Variants in GAREM1 observed in about 807,000 individuals in gnomAD.
GAREM1 encodes GRB2 associated regulator of MAPK1 subtype 1, also known as GRB2-associated and regulator of MAPK protein 1.
A neutral mutation model predicts 71.3 loss-of-function variants in GAREM1; 26 were observed. That is an observed-to-expected ratio of 0.36 (90% confidence interval 0.27 to 0.51). The LOEUF (loss-of-function observed/expected upper bound fraction) is 0.51. Among genes scored for constraint, GAREM1 ranks in the 20% least tolerant of loss-of-function variants. The pLI, the probability that GAREM1 is intolerant of heterozygous loss-of-function variation, is 0.95. For missense variants in GAREM1, 1,026 were observed against 1,103.1 expected, an observed-to-expected ratio of 0.93 and a Z score of 0.99; for synonymous variants, 440 against 433.2, an observed-to-expected ratio of 1.02 and a Z score of -0.20.
intron 1 of GAREM1, among the ~76,000 whole-genome samples, chr18:32,464,506 G>C (rs1249832158): frequency 6.6e-6 from 1 of 152,138 alleles, no homozygotes; most frequent in Non-Finnish European, 1.5e-5. Context: ...AAAAAGTAAA[G>C]TTCCTTTCCA....
At chr18:32,384,280 C>T (rs1345221754) in intron 2 of GAREM1, among the ~76,000 whole-genome samples, 1 of 152,078 alleles carries the variant, frequency 6.6e-6, no homozygotes, top group East Asian at 1.9e-4. Context: ...TGTGTTGTTG[C>T]CACAAACATT....
chr18:32,362,472 T>C (rs1173040955), intron 2 of GAREM1, among the ~76,000 whole-genome samples: 2 of 152,210 alleles, frequency 1.3e-5, no homozygotes, highest in African/African-American at 2.4e-5. Context: ...CGGTCAATAA[T>C]AAACAACTGC....
chr18:32,401,827 G>C (rs1193924234), intron 1 of GAREM1, among the ~76,000 whole-genome samples: 1 of 152,180 alleles, frequency 6.6e-6, no homozygotes, highest in Admixed American at 6.5e-5. Flanking sequence ...TAAAGAGGCA[G>C]CCAAGAAACA....
chr18:32,371,248 G>T (rs962736089), intron 2 of GAREM1, among the ~76,000 whole-genome samples: 6 of 152,276 alleles, frequency 3.9e-5, no homozygotes, highest in African/African-American at 1.2e-4. Flanking sequence ...TCATACTGGG[G>T]AGCTTGGCCT....
chr18:32,325,257 G>A (rs111328688), intron 2 of GAREM1, among the ~76,000 whole-genome samples: 2,238 of 152,172 alleles, frequency 0.015, 65 homozygotes, highest in African/African-American at 0.051. Flanking sequence ...GGTTTTTTAG[G>A]GCAGTGAAAA....
chr18:32,347,995 C>G (rs1386889483), intron 2 of GAREM1, among the ~76,000 whole-genome samples: 1 of 152,160 alleles, frequency 6.6e-6, no homozygotes, highest in Non-Finnish European at 1.5e-5. Flanking sequence ...CTTTTGGAAT[C>G]TGCAATTATT....
chr18:32,317,951 CAG>C (rs1407397641), intron 2 of GAREM1, among the ~76,000 whole-genome samples: 5 of 152,146 alleles, frequency 3.3e-5, no homozygotes, highest in South Asian at 4.1e-4. Context: ...TCACGAATAA[CAG>C]AGTCTTTGTG....
At chr18:32,445,640 A>C (rs2048779491) in intron 1 of GAREM1, among the ~76,000 whole-genome samples, 1 of 152,196 alleles carries the variant, frequency 6.6e-6, no homozygotes, top group East Asian at 1.9e-4. Context: ...GACTGGTTGA[A>C]GCTAAAGACT....
At chr18:32,364,026 A>ATATTTTTTTTT (rs1336753011) in intron 2 of GAREM1, among the ~76,000 whole-genome samples, 1 of 46,418 alleles carries the variant, frequency 2.2e-5, no homozygotes, top group African/African-American at 1.6e-4. Context: ...ATATATATAT[A>ATATTTTTTTTT]TGTTTTTTTT....
chr18:32,301,767 T>C (rs1272674232), intron 3 of GAREM1, among the ~76,000 whole-genome samples: 3 of 152,246 alleles, frequency 2.0e-5, no homozygotes, highest in African/African-American at 4.8e-5. Flanking sequence ...AGGCTATCTC[T>C]CCACAGTCTG....
intron 1 of GAREM1, among the ~76,000 whole-genome samples, chr18:32,415,503 T>C (rs1416249102): frequency 2.0e-5 from 3 of 152,000 alleles, no homozygotes; most frequent in South Asian, 4.1e-4. Context: ...AATTCAACAA[T>C]ATACTGAGAA....
At chr18:32,305,813 C>A (rs1366129398) in intron 3 of GAREM1, among the ~76,000 whole-genome samples, 1 of 152,172 alleles carries the variant, frequency 6.6e-6, no homozygotes, top group Non-Finnish European at 1.5e-5. Flanking sequence ...AGCCACTGCA[C>A]CCAGCCCCCA....
chr18:32,361,523 G>A (rs1359691872), intron 2 of GAREM1, among the ~76,000 whole-genome samples: 1 of 152,122 alleles, frequency 6.6e-6, no homozygotes, highest in Non-Finnish European at 1.5e-5. Context: ...AAATTCATCT[G>A]GTGCAGAGGC....
intron 2 of GAREM1, among the ~76,000 whole-genome samples, chr18:32,327,286 G>A (rs977767710): frequency 2.6e-5 from 4 of 152,154 alleles, no homozygotes; most frequent in Non-Finnish European, 4.4e-5. Flanking sequence ...TGGGAATTAT[G>A]GCTAATATTT....
At chr18:32,300,687 G>A (rs1400166178) in intron 3 of GAREM1, among the ~76,000 whole-genome samples, 3 of 152,064 alleles carry the variant, frequency 2.0e-5, no homozygotes, top group African/African-American at 7.2e-5. Context: ...CGGGCAAATC[G>A]CTTGAGATCG....
At chr18:32,343,611 T>A (rs536379802) in intron 2 of GAREM1, among the ~76,000 whole-genome samples, 191 of 152,106 alleles carry the variant, frequency 1.3e-3, no homozygotes, top group Non-Finnish European at 1.6e-3. Flanking sequence ...ACAACAAGAG[T>A]ACTTTTAAAC....
intron 3 of GAREM1, among the ~76,000 whole-genome samples, chr18:32,295,203 T>A (rs1374358348): frequency 6.6e-6 from 1 of 152,130 alleles, no homozygotes; most frequent in Admixed American, 6.5e-5. Flanking sequence ...TAGCTGTGAT[T>A]ACAGGAGTGA....
intron 2 of GAREM1, among the ~76,000 whole-genome samples, chr18:32,352,729 T>C (rs1358966266): frequency 6.6e-6 from 1 of 152,150 alleles, no homozygotes; most frequent in Non-Finnish European, 1.5e-5. Context: ...TGATCACACC[T>C]GTGAAGACCA....
At chr18:32,274,730 C>A (rs2144427302) in intron 4 of GAREM1, among the ~76,000 whole-genome samples, 1 of 152,298 alleles carries the variant, frequency 6.6e-6, no homozygotes, top group African/African-American at 2.4e-5. Flanking sequence ...TTACTGCCCA[C>A]CACACCTAAA....
Sources: gnomAD v4.1 joint callset for allele counts (sites outside exome capture counted in the v4.1 genomes callset) on GRCh38, gnomAD v4.1.1 for gene constraint, MANE v1.5 for transcripts, NCBI Gene and HGNC (gene_info 2026-07-23, HGNC 2026-07-21) for gene names.